MOB3B: variants seen among roughly 807,000 people sequenced by gnomAD.
The protein encoded by MOB3B is MOB kinase activator-like 2B.
MOB3B carries 7 observed loss-of-function variants against 18.7 expected under a neutral mutation model. The observed-to-expected ratio is 0.37, with a 90% CI of 0.21 to 0.70. The LOEUF is 0.70. Ranked by LOEUF, MOB3B falls within the 30% of genes least tolerant of loss-of-function variation. The probability of loss-of-function intolerance (pLI) is 0.52; values close to 1 mark genes in which losing one functional copy is unlikely to be tolerated. For missense variants in MOB3B, 253 were observed against 281.3 expected (o/e 0.90, Z 0.72); for synonymous variants, 111 against 99.9 (o/e 1.11, Z -0.66).
At chr9:27,449,303 A>C (rs1822745982) in intron 2 of MOB3B, among the ~76,000 whole-genome samples, 1 of 152,230 alleles carries the variant, frequency 6.6e-6, no homozygotes, top group African/African-American at 2.4e-5. Flanking sequence ...AAATTGTCTA[A>C]TAGTCTCCAA....
intron 1 of MOB3B, among the ~76,000 whole-genome samples, chr9:27,487,351 G>T (rs7025426): frequency 0.93 from 141,703 of 151,976 alleles, 66,648 homozygotes; most frequent in East Asian, 1. Context: ...CCCAGAGATC[G>T]GTTTACATTC....
At chr9:27,429,651 G>C (rs1419960705) in intron 2 of MOB3B, among the ~76,000 whole-genome samples, 7 of 152,184 alleles carry the variant, frequency 4.6e-5, no homozygotes, top group Non-Finnish European at 1.0e-4. Context: ...TGGAGACTGA[G>C]AATCTGGGAA....
intron 3 of MOB3B, among the ~76,000 whole-genome samples, chr9:27,347,699 T>C (rs772429488): frequency 3.3e-5 from 5 of 152,240 alleles, no homozygotes; most frequent in Non-Finnish European, 7.3e-5. Context: ...GCTCCATTCA[T>C]GGCAAATGCC....
At chr9:27,528,116 G>T (rs1006290737) in intron 1 of MOB3B, among the ~76,000 whole-genome samples, 1 of 152,198 alleles carries the variant, frequency 6.6e-6, no homozygotes, top group Admixed American at 6.5e-5. Context: ...AGAACTCCAC[G>T]TTCATTCCGG....
At position 27,525,635 on chromosome 9, in the gene MOB3B, C is replaced by T. The variant is rs926632778; in HGVS notation, c.-199+3920G>A. 5.9e-5 allele frequency among the ~76,000 whole-genome samples: 9 copies of T among 152,302 alleles called. No homozygotes were observed. The South Asian group carries it at 1.9e-3, about 32-fold the overall frequency. ...TTGAGAGTCTGTGATTCTAATGTAG[C>T]ACACTCTTCATTCCTGATGTATATT... On this transcript the variant is annotated intron_variant, in intron 1 of 3. Coordinates refer to ENST00000262244, the MANE Select transcript of MOB3B (RefSeq NM_024761.5).
At chr9:27,346,470 A>G (rs1821032424) in intron 3 of MOB3B, among the ~76,000 whole-genome samples, 1 of 152,214 alleles carries the variant, frequency 6.6e-6, no homozygotes, top group Admixed American at 6.5e-5. Flanking sequence ...AACAGTATTT[A>G]TCTCATAGAC....
chr9:27,507,156 A>G (rs112342214), intron 1 of MOB3B, among the ~76,000 whole-genome samples: 5 of 152,234 alleles, frequency 3.3e-5, no homozygotes, highest in African/African-American at 1.2e-4. Flanking sequence ...CAATGTTATG[A>G]TTCCTCTTTT....
chr9:27,421,095 C>A (rs1033866928), intron 2 of MOB3B: 7 of 153,298 alleles, frequency 4.6e-5, no homozygotes, highest in African/African-American at 1.5e-4. Flanking sequence ...TTCTCACCTC[C>A]ATTTTTTTTT....
At position 27,326,304 on chromosome 9, in the gene MOB3B, G is replaced by A. The variant is rs975724120; in HGVS notation, c.*4283C>T. ...GACTCCGTAGAGGATGCCACCCTGG[G>A]AGAATTGCAAGGGAAAGGAGGCTGA... On this transcript the variant is annotated 3_prime_UTR_variant, in exon 4 of 4. Coordinates refer to ENST00000262244, the MANE Select transcript of MOB3B (RefSeq NM_024761.5). The A allele has an allele frequency of 1.0e-5, 4 of 395,226 alleles. No individual in the cohort carries two copies. In the East Asian group the frequency reaches 1.1e-4, roughly 11 times the overall value. 24.5% of individuals were successfully genotyped at this position (395,226 alleles called of 1,614,324 possible).
intron 1 of MOB3B, among the ~76,000 whole-genome samples, chr9:27,497,915 A>T (rs2131492403): frequency 6.6e-6 from 1 of 152,356 alleles, no homozygotes; most frequent in East Asian, 1.9e-4. Context: ...AGTAAATCAA[A>T]ATGAAACTCC....
At chr9:27,355,088 C>A (rs1821166729) in intron 3 of MOB3B, among the ~76,000 whole-genome samples, 1 of 152,160 alleles carries the variant, frequency 6.6e-6, no homozygotes, top group Non-Finnish European at 1.5e-5. Context: ...GGGTTGGAAC[C>A]CACAGAGTCT....
chr9:27,502,306 A>T (rs1160863490), intron 1 of MOB3B, among the ~76,000 whole-genome samples: 4 of 152,174 alleles, frequency 2.6e-5, no homozygotes, highest in African/African-American at 9.7e-5. Flanking sequence ...ACCAAATAAT[A>T]CTTAATACTA....
At chr9:27,527,643 A>G (rs930508289) in intron 1 of MOB3B, among the ~76,000 whole-genome samples, 4 of 152,226 alleles carry the variant, frequency 2.6e-5, no homozygotes, top group African/African-American at 4.8e-5. Flanking sequence ...AGGAGGAATC[A>G]AAAGTGTAAT....
chr9:27,493,902 G>C (rs538705738), intron 1 of MOB3B, among the ~76,000 whole-genome samples: 1 of 152,158 alleles, frequency 6.6e-6, no homozygotes, highest in Admixed American at 6.5e-5. Context: ...TCTGACCACC[G>C]GTGAGCCGGG....
intron 2 of MOB3B, among the ~76,000 whole-genome samples, chr9:27,413,413 A>G (rs755233681): frequency 3.9e-5 from 6 of 152,194 alleles, no homozygotes; most frequent in Non-Finnish European, 5.9e-5. Context: ...TTTATCAAAG[A>G]ACAAAGGGAG....
rs12335549 is a variant in MOB3B, at chr9:27,410,988, G to A, written c.418+44145C>T. On this transcript the variant is annotated intron_variant, in intron 2 of 3. Coordinates refer to ENST00000262244, the MANE Select transcript of MOB3B (RefSeq NM_024761.5). ...TGTCCAAAATTGTATCTGTGGATAT[G>A]TGATTCAATATGATGAATGCGAATA... 3.8e-3 allele frequency among the ~76,000 whole-genome samples: 584 copies of A among 152,314 alleles called. 3 individuals are homozygous for A. Among genetic ancestry groups the A allele is most frequent in the African/African-American group, 0.013 (523 of 41,568 alleles).
intron 3 of MOB3B, among the ~76,000 whole-genome samples, chr9:27,338,324 C>T (rs760830858): frequency 5.3e-5 from 8 of 152,070 alleles, no homozygotes; most frequent in African/African-American, 1.4e-4. Flanking sequence ...TTACAAGCCA[C>T]GTAGGTGGGA....
intron 2 of MOB3B, among the ~76,000 whole-genome samples, chr9:27,359,737 C>T (rs557455398): frequency 3.2e-4 from 48 of 152,254 alleles, no homozygotes; most frequent in African/African-American, 1.1e-3. Flanking sequence ...ATTCCCCCTT[C>T]GTCTCTTTGA....
intron 2 of MOB3B, among the ~76,000 whole-genome samples, chr9:27,430,407 G>T (rs1029621465): frequency 6.6e-6 from 1 of 152,144 alleles, no homozygotes; most frequent in African/African-American, 2.4e-5. Flanking sequence ...AAGCTTTAGG[G>T]TTCTGCTTCC....
Sources: gnomAD v4.1 joint callset for allele counts (sites outside exome capture counted in the v4.1 genomes callset) on GRCh38, gnomAD v4.1.1 for gene constraint, MANE v1.5 for transcripts, NCBI Gene and HGNC (gene_info 2026-07-23, HGNC 2026-07-21) for gene names.